Variants in DENND1C observed in about 807,000 individuals in gnomAD.
DENND1C encodes DENN domain-containing protein 1C.
In DENND1C, 64 loss-of-function variants were observed where a neutral mutation model predicts 87.9. The ratio of observed to expected loss-of-function variants is 0.73; its 90% CI spans 0.60 to 0.90. DENND1C has a LOEUF of 0.90. Ranked by LOEUF, DENND1C falls within the 40% of genes least tolerant of loss-of-function variation. The pLI is 0.00. For missense variants in DENND1C, 980 were observed against 1,037.0 expected (o/e 0.95, Z 0.76); for synonymous variants, 384 against 424.4 (o/e 0.90, Z 1.17).
intron 1 of DENND1C, among the ~76,000 whole-genome samples, 181 bp downstream of exon 1, chr19:6,481,498 A>C (rs1356907273): frequency 6.6e-6 from 1 of 151,922 alleles, no homozygotes; most frequent in East Asian, 1.9e-4. Flanking sequence ...GAGGGGACCG[A>C]GAGTGGCCTG....
chr19:6,476,896 G>A lies in DENND1C; in HGVS notation c.639C>T (p.Ala213=), dbSNP rs11880672. 5.6e-6 allele frequency: 9 copies of A among 1,613,016 alleles called. No homozygotes were observed. Among genetic ancestry groups the A allele is most frequent in the Middle Eastern group, 1.6e-4 (1 of 6,082 alleles). The change falls in exon 10 of 23, where the codon GCC becomes GCT. Residue 213 remains alanine, a synonymous_variant. Transcript: ENST00000381480. The part of the protein sequence containing the change: ...NIVGLFAALL[A]ERRVLLTASK... Reference sequence around the variant, plus strand: ...TGGCGGTGAGCAGGACTCTTCTCTCGGCCAGGAGCGCCGCGAACAGCCCCA... The same window carrying A: ...TGGCGGTGAGCAGGACTCTTCTCTCAGCCAGGAGCGCCGCGAACAGCCCCA...
rs780217820 is a variant in DENND1C, at chr19:6,479,329, G to A, written c.177-273C>T. ...AGTCCCTGGGTTCCTCAGTCCCTGA[G>A]TCCCTGAGTCCCTGAGTCCCTGGTC... On this transcript the variant is annotated intron_variant, in intron 4 of 22. Transcript: ENST00000381480. Among the ~76,000 whole-genome samples the A allele has an allele frequency of 1.5e-3, 214 of 147,006 alleles. 4 individuals carry two copies. Among genetic ancestry groups the A allele is most frequent in the African/African-American group, 5.7e-3 (210 of 37,100 alleles).
chr19:6,472,960 A>G lies in DENND1C; in HGVS notation c.1087T>C (p.Leu363=), dbSNP rs2092837596. Residue 363 remains leucine (L), a synonymous_variant, in exon 15 of 23, where the codon TTG becomes CTG. Transcript: ENST00000381480. ...AGAGGTGCCCCAGGCTTCTGGGCCAAGAAGACTTCCTCACTGAAGGTCACT... is the reference window on the plus strand; with the variant it reads ...AGAGGTGCCCCAGGCTTCTGGGCCAGGAAGACTTCCTCACTGAAGGTCACT... ...QPVTFSEEVF[L]AQKPGAPLQA... is the part of the protein sequence containing the mutation. 1.3e-6 allele frequency: 2 copies of G among 1,586,744 alleles called. No individual in the cohort carries two copies. Among genetic ancestry groups the G allele is most frequent in the African/African-American group, 2.7e-5 (2 of 74,054 alleles).
At chr19:6,477,347 G>A in intron 7 of DENND1C, 31 bp downstream of exon 7, 1 of 1,612,842 alleles carries the variant, frequency 6.2e-7, no homozygotes, top group Non-Finnish European at 8.5e-7. Flanking sequence ...TCCACCTAAG[G>A]TCCAGCGCCC....
Position 6,468,855 on chromosome 19 carries a change from G to A in DENND1C, c.1506C>T (p.His502=). 4.0e-6 allele frequency: 6 copies of A among 1,516,480 alleles called. No individual in the cohort carries two copies. The highest frequency in any genetic ancestry group is 1.4e-5 in the South Asian group (1 of 73,472). The allele number at this position is 1,516,480 out of a possible 1,614,324, so 93.9% of individuals were successfully genotyped here. ...RLQQRLPITQ[H]FGKNRPLRPS... ...GGAGGGGCGCTCTCACCTTTCCAAA[G>A]TGCTGAGTGATTGGGAGGCGTTGCT... Residue 502 remains histidine, a synonymous_variant, in exon 20 of 23, where the codon CAC becomes CAT. Transcript: ENST00000381480.
rs762804951 is a variant in DENND1C, at chr19:6,480,009, G to A, written c.60C>T (p.Ala20=). The part of the protein sequence containing the change: ...PAVFDWFFEA[A]CPASLQEDPP... The stretch of plus-strand genomic sequence containing the variant: ...CACCCTCCTGCAGGGAGGCAGGGCA[G>A]GCCGCTTCGAAGAACCAATCAAACA... The change falls in exon 2 of 23, where the codon GCC becomes GCT. Residue 20 remains alanine (A), a synonymous_variant. Coordinates refer to ENST00000381480, the MANE Select transcript of DENND1C (RefSeq NM_024898.4). The A allele has an allele frequency of 1.2e-6, 2 of 1,607,362 alleles. No individual in the cohort carries two copies. Among genetic ancestry groups the A allele is most frequent in the African/African-American group, 1.3e-5 (1 of 74,534 alleles).
chr19:6,475,480 T>C lies in DENND1C; in HGVS notation c.927+4A>G, dbSNP rs2092853643. The C allele has an allele frequency of 1.2e-6, 2 of 1,613,726 alleles. No individual in the cohort carries two copies. The highest frequency in any genetic ancestry group is 2.2e-5 in the East Asian group (1 of 44,886). On this transcript the variant is annotated splice_donor_region_variant and intron_variant, in intron 13 of 22. Transcript: ENST00000381480. ...GGCAGGAAGGTGGGAGGGGCGACAC[T>C]GACCACGTCTGGAGGCAGCGCCTGC... is the stretch of plus-strand genomic sequence containing the variant.
chr19:6,478,413 T>C (rs1409988057), intron 6 of DENND1C, among the ~76,000 whole-genome samples: 1 of 150,426 alleles, frequency 6.6e-6, no homozygotes, highest in African/African-American at 2.4e-5. Context: ...CGGCTAATTT[T>C]TTTTTTTTTT....
intron 10 of DENND1C, 23 bp downstream of exon 10, chr19:6,476,834 C>T (rs1452678976): frequency 6.2e-7 from 1 of 1,601,466 alleles, no homozygotes; most frequent in South Asian, 1.1e-5. Context: ...GCTCCCACCC[C>T]GGCCCGGCGG....
chr19:6,477,259 C>G lies in DENND1C; in HGVS notation c.472G>C (p.Gly158Arg). 1 of 1,584,666 alleles carries G rather than the reference C, an allele frequency of 6.3e-7. No homozygotes were observed. The highest frequency in any genetic ancestry group is 8.6e-7 in the Non-Finnish European group (1 of 1,163,074). The change falls in exon 8 of 23, where the codon GGG (glycine) becomes CGG (arginine). Residue 158 changes from glycine to arginine, a missense_variant. Gly to Arg is a moderately radical substitution (Grantham distance 125, BLOSUM62 -2). Transcript: ENST00000381480. Reference protein sequence around the residue: ...ELGSGVTVSSGQGIPPPTRGN... With the variant: ...ELGSGVTVSSRQGIPPPTRGN... ...CGGGTAGGGGGGGGGATACCCTGCC[C>G]GCTGGAGACCGTCACTCCGCTGCCC...
chr19:6,469,062 A>C, intron 19 of DENND1C, 109 bp from the exon 20 acceptor site: 5 of 637,952 alleles, frequency 7.8e-6, no homozygotes, highest in Non-Finnish European at 1.2e-5. Context: ...ATGAAGCTTC[A>C]CTCATGTTGC....
rs1002061316 is a variant in DENND1C, at chr19:6,476,857, G to A, written c.678C>T (p.Thr226=). 2 of 1,610,634 alleles carry A rather than the reference G, an allele frequency of 1.2e-6. No homozygotes were observed. Among genetic ancestry groups the A allele is most frequent in the African/African-American group, 2.7e-5 (2 of 74,878 alleles). ...CCCGGCCCGGCGGACCCCGCCTCAC[G>A]GTGCTGAGTTTGCTGGCGGTGAGCA... ...RVLLTASKLS[T]LTSCVHASCA... Residue 226 remains threonine (T), a splice_region_variant and synonymous_variant, in exon 10 of 23, where the codon ACC becomes ACT. Coordinates refer to ENST00000381480, the MANE Select transcript of DENND1C (RefSeq NM_024898.4).
chr19:6,479,614 G>C (rs1020644016), intron 4 of DENND1C, 55 bp downstream of exon 4: 25 of 1,611,472 alleles, frequency 1.6e-5, no homozygotes, highest in Non-Finnish European at 2.1e-5. Context: ...TGAGTCCTTG[G>C]GGCCCCTGAG....
At chr19:6,479,335 GAGTCCCT>G (rs2092884058) in intron 4 of DENND1C, among the ~76,000 whole-genome samples, 2 of 143,436 alleles carry the variant, frequency 1.4e-5, no homozygotes, top group African/African-American at 6.0e-5. Context: ...CTGAGTCCCT[GAGTCCCT>G]GAGTCCCTGG....
In DENND1C at chr19:6,477,134, G is replaced by A. The variant is rs1226296208; in HGVS notation, c.514-7C>T. The A allele has an allele frequency of 6.2e-7, 1 of 1,603,744 alleles. No individual in the cohort carries two copies. Among genetic ancestry groups the A allele is most frequent in the East Asian group, 2.2e-5 (1 of 44,740 alleles). On this transcript the variant is annotated splice_polypyrimidine_tract_variant and splice_region_variant and intron_variant, in intron 8 of 22. Transcript: ENST00000381480. The stretch of plus-strand genomic sequence containing the variant: ...GGGCCACGAAGCAGGAAAGCTGGTG[G>A]GGGTATTGGCAGGGGGATCAATCAG...
chr19:6,479,833 G>A, intron 3 of DENND1C, 26 bp downstream of exon 3: 1 of 1,612,900 alleles, frequency 6.2e-7, no homozygotes, highest in Non-Finnish European at 8.5e-7. Context: ...CCTCGCCCTG[G>A]GGGAGCAAGG....
chr19:6,470,222 G>GGGA, intron 18 of DENND1C, 73 bp downstream of exon 18: 6 of 1,458,470 alleles, frequency 4.1e-6, no homozygotes, highest in Non-Finnish European at 5.6e-6. Context: ...CTCCATCCTT[G>GGGA]GGAGGTCAAA....
At chr19:6,474,401 A>G (rs778405548) in intron 14 of DENND1C, among the ~76,000 whole-genome samples, 2 of 152,118 alleles carry the variant, frequency 1.3e-5, no homozygotes, top group Non-Finnish European at 2.9e-5. Flanking sequence ...GAACCCCCCA[A>G]TGATTTTACA....
chr19:6,473,443 G>T lies in DENND1C; in HGVS notation c.1054-450C>A, dbSNP rs4807086. Reference sequence around the variant, plus strand: ...GCTGGGATTACAGGTGTGAGCCACCGCGCCCAGCCCTGGTTTTTTTTTTTT... The same window carrying T: ...GCTGGGATTACAGGTGTGAGCCACCTCGCCCAGCCCTGGTTTTTTTTTTTT... On this transcript the variant is annotated intron_variant, in intron 14 of 22. Coordinates refer to ENST00000381480, the MANE Select transcript of DENND1C (RefSeq NM_024898.4). Among the ~76,000 whole-genome samples the T allele has an allele frequency of 1.3e-4, 20 of 148,192 alleles. 1 individual carries two copies. The highest frequency in any genetic ancestry group is 5.0e-4 in the African/African-American group (20 of 40,006).
Sources: allele counts gnomAD v4.1 joint callset (sites outside exome capture counted in the v4.1 genomes callset), GRCh38; gene constraint gnomAD v4.1.1; transcripts MANE v1.5; gene names NCBI Gene and HGNC (gene_info 2026-07-23, HGNC 2026-07-21).